The following TRPC6 variants were observed in gnomAD, a reference collection of about 807,000 sequenced individuals.
The protein encoded by TRPC6 is transient receptor potential cation channel subfamily C member 6.
A neutral mutation model predicts 90.7 loss-of-function variants in TRPC6; 55 were observed. That is an observed-to-expected ratio of 0.61 (90% CI 0.49 to 0.76). The LOEUF is 0.76. Ranked by LOEUF, TRPC6 falls within the 30% of genes least tolerant of loss-of-function variation. The pLI is 0.00. For synonymous variants in TRPC6, 393 were observed against 393.0 expected (o/e 1.00, Z 0.00); for missense variants, 989 against 1,122.7 (o/e 0.88, Z 1.70).
At chr11:101,503,875 A>G in intron 2 of TRPC6, 149 bp downstream of exon 2, 1 of 994,838 alleles carries the variant, frequency 1.0e-6, no homozygotes, top group Non-Finnish European at 1.5e-6. Context: ...TTTTGCTACA[A>G]TGATTATAAT....
intron 2 of TRPC6, among the ~76,000 whole-genome samples, chr11:101,500,041 ATAC>A (rs201241103): frequency 0.043 from 5,406 of 125,032 alleles, 1,288 homozygotes; most frequent in Non-Finnish European, 0.07. Flanking sequence ...GTGTATATAT[ATAC>A]AATATAAAAT....
At chr11:101,571,054 C>G (rs1308446480) in intron 1 of TRPC6, among the ~76,000 whole-genome samples, 1 of 152,128 alleles carries the variant, frequency 6.6e-6, no homozygotes, top group African/African-American at 2.4e-5. Context: ...AAAGCGTATT[C>G]AATTTTGAAA....
rs982325031 is a variant in TRPC6 at position 101,451,629 on chromosome 11, A to AAT, written c.*1324_*1325dup. ...CCATAAGTAGTATCCACAAATACAA[A>AAT]ATCACTGAATATAAATTTTCAGCTG... is the stretch of plus-strand genomic sequence containing the variant. On this transcript the variant is annotated 3_prime_UTR_variant, in exon 13 of 13. Transcript: ENST00000344327. The AAT allele has an allele frequency of 4.6e-5, 7 of 152,228 alleles. No individual in the cohort carries two copies. Among genetic ancestry groups the AAT allele is most frequent in the African/African-American group, 1.7e-4 (7 of 41,466 alleles). The allele number at this position is 152,228 out of a possible 1,614,324, so 9.4% of individuals were successfully genotyped here.
At chr11:101,469,294 T>G in intron 10 of TRPC6, 133 bp downstream of exon 10, 2 of 643,020 alleles carry the variant, frequency 3.1e-6, no homozygotes, top group South Asian at 1.7e-5. Context: ...ATTGTTGAGA[T>G]TTGTTAAAAT....
intron 2 of TRPC6, among the ~76,000 whole-genome samples, chr11:101,502,378 T>C (rs533839952): frequency 6.6e-6 from 1 of 152,310 alleles, no homozygotes; most frequent in African/African-American, 2.4e-5. Context: ...CTGAATTGTC[T>C]TTGTATTTTG....
intron 1 of TRPC6, among the ~76,000 whole-genome samples, chr11:101,570,394 C>A (rs1457476421): frequency 2.6e-5 from 4 of 152,108 alleles, no homozygotes; most frequent in Non-Finnish European, 5.9e-5. Flanking sequence ...GCCTACCAAC[C>A]AAATAGAGTC....
intron 1 of TRPC6, among the ~76,000 whole-genome samples, chr11:101,541,685 C>T (rs1425930080): frequency 6.6e-6 from 1 of 152,294 alleles, no homozygotes; most frequent in African/African-American, 2.4e-5. Context: ...CTACTTTTGC[C>T]AACTGCTGAA....
chr11:101,578,719 G>C (rs940483435), intron 1 of TRPC6, among the ~76,000 whole-genome samples: 36 of 152,042 alleles, frequency 2.4e-4, no homozygotes, highest in African/African-American at 8.7e-4. Context: ...ATATCCATCG[G>C]AGACCTTATC....
intron 4 of TRPC6, among the ~76,000 whole-genome samples, chr11:101,488,622 AC>A (rs1239618541): frequency 6.6e-6 from 1 of 152,236 alleles, no homozygotes; most frequent in Admixed American, 6.5e-5. Flanking sequence ...GCATAGATGT[AC>A]ATAGAGAAAA....
chr11:101,540,895 T>C (rs1476452268), intron 1 of TRPC6, among the ~76,000 whole-genome samples: 2 of 152,146 alleles, frequency 1.3e-5, no homozygotes, highest in African/African-American at 2.4e-5. Flanking sequence ...GGATTAAATA[T>C]AACCTACACA....
At chr11:101,558,566 GTGTT>G (rs1861644539) in intron 1 of TRPC6, among the ~76,000 whole-genome samples, 1 of 150,860 alleles carries the variant, frequency 6.6e-6, no homozygotes. Flanking sequence ...GATTTTTTGT[GTGTT>G]TGTTTGGGAC....
intron 1 of TRPC6, among the ~76,000 whole-genome samples, chr11:101,581,104 C>T (rs1206487338): frequency 6.6e-6 from 1 of 152,208 alleles, no homozygotes; most frequent in African/African-American, 2.4e-5. Flanking sequence ...GCATGGCTCA[C>T]TCTTACATGT....
At chr11:101,559,365 T>C (rs1861660670) in intron 1 of TRPC6, among the ~76,000 whole-genome samples, 1 of 152,224 alleles carries the variant, frequency 6.6e-6, no homozygotes, top group African/African-American at 2.4e-5. Flanking sequence ...AATTAGACAA[T>C]TATAAATTGC....
At position 101,504,711 on chromosome 11, in the gene TRPC6, G is replaced by A. The variant is rs200806868; in HGVS notation, c.258C>T (p.Tyr86=). ...GGCTTGTGGAGCGATCACTAAACATGTATGCTGGTCCTCGATTAGCTAACC... is the reference window on the plus strand; with the variant it reads ...GGCTTGTGGAGCGATCACTAAACATATATGCTGGTCCTCGATTAGCTAACC... ...GRRLANRGPA[Y]MFSDRSTSLS... Residue 86 remains tyrosine, a synonymous_variant, in exon 2 of 13, where the codon TAC becomes TAT. Coordinates refer to ENST00000344327, the MANE Select transcript of TRPC6 (RefSeq NM_004621.6). The A allele has an allele frequency of 8.6e-5, 137 of 1,595,212 alleles. 2 individuals are homozygous for A. In the South Asian group the frequency reaches 1.5e-3, roughly 17 times the overall value.
intron 2 of TRPC6, among the ~76,000 whole-genome samples, chr11:101,497,703 TTTTTTA>T (rs1161677953): frequency 6.6e-6 from 1 of 152,084 alleles, no homozygotes; most frequent in African/African-American, 2.4e-5. Context: ...TTTTCCTTTA[TTTTTTA>T]TTTTAAGTTC....
intron 2 of TRPC6, among the ~76,000 whole-genome samples, chr11:101,500,984 A>T (rs888854418): frequency 2.6e-5 from 4 of 152,168 alleles, no homozygotes; most frequent in Non-Finnish European, 5.9e-5. Context: ...TCCCTTAAAA[A>T]TATTTATACT....
intron 10 of TRPC6, among the ~76,000 whole-genome samples, chr11:101,464,047 CT>C (rs1859076946): frequency 6.6e-6 from 1 of 152,056 alleles, no homozygotes; most frequent in Non-Finnish European, 1.5e-5. Flanking sequence ...TTATTTCTGC[CT>C]TCATTTCATT....
intron 1 of TRPC6, among the ~76,000 whole-genome samples, chr11:101,551,530 C>T (rs1445240226): frequency 2.6e-5 from 4 of 151,908 alleles, no homozygotes; most frequent in African/African-American, 9.7e-5. Flanking sequence ...ACTTGATTCA[C>T]CAGTGCTTCA....
At chr11:101,502,531 TAAAGG>T (rs1315756970) in intron 2 of TRPC6, among the ~76,000 whole-genome samples, 2 of 152,188 alleles carry the variant, frequency 1.3e-5, no homozygotes, top group Non-Finnish European at 2.9e-5. Flanking sequence ...AAGGATACAG[TAAAGG>T]AAACAGAAAT....
Sources: gnomAD v4.1 joint callset for allele counts (sites outside exome capture counted in the v4.1 genomes callset) on GRCh38, gnomAD v4.1.1 for gene constraint, MANE v1.5 for transcripts, NCBI Gene and HGNC (gene_info 2026-07-23, HGNC 2026-07-21) for gene names.